Variants in SGCZ observed in about 807,000 individuals in gnomAD.
The protein encoded by SGCZ is zeta-sarcoglycan.
Under a neutral mutation model 41.3 loss-of-function variants are expected in SGCZ, and 40 were observed. That is an observed-to-expected ratio of 0.97 (90% CI 0.75 to 1.26). The LOEUF is 1.26. Among genes scored for constraint, SGCZ ranks in the 50% most tolerant of loss-of-function variants. SGCZ has a pLI of 0.00. For synonymous variants in SGCZ, 206 were observed against 137.5 expected (o/e 1.50, Z -3.49); for missense variants, 552 against 369.8 (o/e 1.49, Z -4.04).
chr8:14,960,849 C>A (rs1036755006), intron 1 of SGCZ, among the ~76,000 whole-genome samples: 1 of 151,754 alleles, frequency 6.6e-6, no homozygotes, highest in African/African-American at 2.4e-5. Context: ...TCTGTGAAGA[C>A]AGAATCATGT....
intron 1 of SGCZ, among the ~76,000 whole-genome samples, chr8:15,030,929 A>G (rs1483128908): frequency 6.6e-6 from 1 of 152,166 alleles, no homozygotes; most frequent in Non-Finnish European, 1.5e-5. Flanking sequence ...ACTTACTGAC[A>G]CCATGATGCA....
chr8:15,053,489 A>G (rs539456161), intron 1 of SGCZ, among the ~76,000 whole-genome samples: 81 of 152,272 alleles, frequency 5.3e-4, no homozygotes, highest in African/African-American at 1.9e-3. Context: ...CTGTGCATCC[A>G]ATGTGAATGG....
chr8:15,191,418 G>A (rs935918305), intron 1 of SGCZ, among the ~76,000 whole-genome samples: 1 of 151,948 alleles, frequency 6.6e-6, no homozygotes, highest in African/African-American at 2.4e-5. Flanking sequence ...CCGCTTAAGG[G>A]ATTTATACTG....
At chr8:14,880,705 A>C (rs1200208990) in intron 1 of SGCZ, among the ~76,000 whole-genome samples, 3 of 152,306 alleles carry the variant, frequency 2.0e-5, no homozygotes, top group Admixed American at 6.5e-5. Context: ...TCACAAAGAC[A>C]GAAAACCAAA....
At chr8:14,516,674 T>G (rs747507841) in intron 2 of SGCZ, among the ~76,000 whole-genome samples, 5 of 152,070 alleles carry the variant, frequency 3.3e-5, no homozygotes, top group Non-Finnish European at 7.4e-5. Flanking sequence ...TGATTTGCTC[T>G]AACTGTTTTT....
At chr8:14,257,576 G>A (rs553319361) in intron 3 of SGCZ, among the ~76,000 whole-genome samples, 1 of 151,682 alleles carries the variant, frequency 6.6e-6, no homozygotes, top group East Asian at 1.9e-4. Context: ...TTGGTGTGCT[G>A]CACCCATTAA....
chr8:14,235,132 C>G (rs190034241), intron 4 of SGCZ, among the ~76,000 whole-genome samples: 1 of 152,242 alleles, frequency 6.6e-6, no homozygotes, highest in Non-Finnish European at 1.5e-5. Context: ...GATGAGAAAA[C>G]GGAGTGTCCA....
intron 1 of SGCZ, among the ~76,000 whole-genome samples, chr8:15,159,223 G>A (rs1416974314): frequency 6.6e-6 from 1 of 152,184 alleles, no homozygotes; most frequent in East Asian, 1.9e-4. Context: ...AACACATGTA[G>A]GTTCCCGAAG....
intron 5 of SGCZ, among the ~76,000 whole-genome samples, chr8:14,140,144 A>C (rs894055512): frequency 6.6e-6 from 1 of 152,256 alleles, no homozygotes; most frequent in Non-Finnish European, 1.5e-5. Flanking sequence ...AAAACTGTCA[A>C]TAAACTAGGT....
At chr8:15,141,731 GTC>G (rs905742254) in intron 1 of SGCZ, among the ~76,000 whole-genome samples, 1 of 152,082 alleles carries the variant, frequency 6.6e-6, no homozygotes, top group African/African-American at 2.4e-5. Flanking sequence ...GTGAAACCCC[GTC>G]TCTACCAAAA....
intron 1 of SGCZ, among the ~76,000 whole-genome samples, chr8:14,790,238 G>C (rs1471968339): frequency 1.3e-5 from 2 of 152,068 alleles, no homozygotes; most frequent in African/African-American, 2.4e-5. Context: ...AGATACCAAA[G>C]ACCAAAAAGT....
At chr8:14,098,662 A>C (rs893287828) in intron 7 of SGCZ, among the ~76,000 whole-genome samples, 4 of 152,202 alleles carry the variant, frequency 2.6e-5, no homozygotes, top group African/African-American at 9.6e-5. Context: ...ACCTTGAAGA[A>C]ATATTAAAAG....
intron 4 of SGCZ, among the ~76,000 whole-genome samples, chr8:14,191,116 ATATGTATGAG>A (rs1176980667): frequency 2.6e-5 from 4 of 152,110 alleles, no homozygotes; most frequent in African/African-American, 9.7e-5. Flanking sequence ...ACCTTTTCAT[ATATGTATGAG>A]TCATTTTTAT....
chr8:15,066,771 A>T (rs931970176), intron 1 of SGCZ, among the ~76,000 whole-genome samples: 1 of 152,182 alleles, frequency 6.6e-6, no homozygotes, highest in Non-Finnish European at 1.5e-5. Context: ...GAATTCTGCC[A>T]CCTAGTCTCT....
chr8:14,361,532 G>C (rs1190759753), intron 2 of SGCZ, among the ~76,000 whole-genome samples: 9 of 152,086 alleles, frequency 5.9e-5, no homozygotes, highest in African/African-American at 2.2e-4. Context: ...AGCTTCAAGA[G>C]GTCATTTAAG....
chr8:15,080,160 G>T (rs1224686112), intron 1 of SGCZ, among the ~76,000 whole-genome samples: 1 of 152,104 alleles, frequency 6.6e-6, no homozygotes, highest in Non-Finnish European at 1.5e-5. Flanking sequence ...GAGAGGGAGT[G>T]ACTTCTGGCC....
chr8:14,909,575 AAT>A (rs1315151731), intron 1 of SGCZ, among the ~76,000 whole-genome samples: 1 of 152,126 alleles, frequency 6.6e-6, no homozygotes, highest in Non-Finnish European at 1.5e-5. Flanking sequence ...TTTATAAATC[AAT>A]ATGATTTGTT....
chr8:14,960,158 T>C (rs1800917025), intron 1 of SGCZ, among the ~76,000 whole-genome samples: 1 of 152,166 alleles, frequency 6.6e-6, no homozygotes, highest in African/African-American at 2.4e-5. Flanking sequence ...ATCTTATATA[T>C]CCATGAATAA....
intron 2 of SGCZ, among the ~76,000 whole-genome samples, chr8:14,430,573 C>T (rs1259557378): frequency 6.6e-6 from 1 of 152,076 alleles, no homozygotes; most frequent in African/African-American, 2.4e-5. Flanking sequence ...GTATAACAAA[C>T]CCACGGCCAA....
Sources: gnomAD v4.1 joint callset for allele counts (sites outside exome capture counted in the v4.1 genomes callset) on GRCh38, gnomAD v4.1.1 for gene constraint, MANE v1.5 for transcripts, NCBI Gene and HGNC (gene_info 2026-07-23, HGNC 2026-07-21) for gene names.